Variants in SORBS2 observed in about 807,000 individuals in gnomAD.
SORBS2 encodes sorbin and SH3 domain-containing protein 2.
In SORBS2, 46 loss-of-function variants were observed where a neutral mutation model predicts 97.7. The ratio of observed to expected loss-of-function variants is 0.47; its 90% CI spans 0.37 to 0.60. The LOEUF is 0.60. SORBS2 is among the 20% of genes least tolerant of loss of function. SORBS2 has a pLI of 0.00. For missense variants in SORBS2, 1,316 were observed against 1,282.3 expected, an observed-to-expected ratio of 1.03 and a Z score of -0.40; for synonymous variants, 476 against 473.4, an observed-to-expected ratio of 1.01 and a Z score of -0.07.
intron 9 of SORBS2, among the ~76,000 whole-genome samples, chr4:185,616,629 C>T (rs1216975683): frequency 6.6e-6 from 1 of 152,152 alleles, no homozygotes. Context: ...GTATAGGTTG[C>T]ATTTAAAATT....
chr4:185,952,033 T>C (rs982773538), intron 1 of SORBS2, among the ~76,000 whole-genome samples: 8 of 85,784 alleles, frequency 9.3e-5, no homozygotes, highest in African/African-American at 2.7e-4. Flanking sequence ...AATAGCTTCT[T>C]TTTTTTTTTT....
chr4:185,854,785 A>AAGAGAGAGAGAGAG (rs10560938), intron 1 of SORBS2, among the ~76,000 whole-genome samples: 11 of 149,680 alleles, frequency 7.3e-5, no homozygotes, highest in South Asian at 6.4e-4. Context: ...AGAAATAGAG[A>AAGAGAGAGAGAGAG]AGAGAGAGAG....
intron 1 of SORBS2, among the ~76,000 whole-genome samples, chr4:185,953,542 A>G (rs2099278210): frequency 6.6e-6 from 1 of 152,214 alleles, no homozygotes; most frequent in African/African-American, 2.4e-5. Context: ...TTGCATTTGC[A>G]TAGGCTTCAG....
intron 1 of SORBS2, among the ~76,000 whole-genome samples, chr4:185,879,374 A>G (rs1213219578): frequency 1.3e-5 from 2 of 152,030 alleles, no homozygotes; most frequent in East Asian, 1.9e-4. Context: ...GCTGCATAGT[A>G]TTCCATGGTG....
At chr4:185,891,436 T>C (rs2099242454) in intron 1 of SORBS2, among the ~76,000 whole-genome samples, 1 of 152,200 alleles carries the variant, frequency 6.6e-6, no homozygotes, top group African/African-American at 2.4e-5. Flanking sequence ...TGAATTATGT[T>C]AAGGAACAGA....
chr4:185,662,814 G>A (rs968067599), intron 4 of SORBS2, among the ~76,000 whole-genome samples: 2 of 152,226 alleles, frequency 1.3e-5, no homozygotes, highest in African/African-American at 4.8e-5. Flanking sequence ...GGATCAGAGA[G>A]ACATGTTCAA....
chr4:185,940,035 G>A (rs553135956), intron 1 of SORBS2, among the ~76,000 whole-genome samples: 4 of 152,258 alleles, frequency 2.6e-5, no homozygotes, highest in South Asian at 4.2e-4. Flanking sequence ...CTTCTAAGAC[G>A]CCACACAGCC....
chr4:185,641,724 C>G (rs2097128813), intron 4 of SORBS2, among the ~76,000 whole-genome samples: 1 of 151,264 alleles, frequency 6.6e-6, no homozygotes, highest in South Asian at 2.1e-4. Context: ...ATCTTTCTAG[C>G]CTTGGTGTGA....
At chr4:185,852,157 G>T (rs78032174) in intron 1 of SORBS2, among the ~76,000 whole-genome samples, 2 of 152,094 alleles carry the variant, frequency 1.3e-5, no homozygotes, top group South Asian at 2.1e-4. Flanking sequence ...ACAGGCAGCC[G>T]ATCCCTGTAA....
chr4:185,790,153 A>G (rs2099073925), intron 1 of SORBS2, among the ~76,000 whole-genome samples: 2 of 151,690 alleles, frequency 1.3e-5, no homozygotes, highest in African/African-American at 4.8e-5. Context: ...TGTTGGATTT[A>G]TTCAGGATAT....
At chr4:185,695,390 C>T (rs779756594) in intron 2 of SORBS2, among the ~76,000 whole-genome samples, 2 of 152,064 alleles carry the variant, frequency 1.3e-5, no homozygotes, top group Non-Finnish European at 2.9e-5. Context: ...CACAGACGAA[C>T]CTTAAGCCAA....
chr4:185,593,923 C>T, exon 13 of SORBS2: 2 of 1,604,636 alleles, frequency 1.2e-6, no homozygotes, highest in Non-Finnish European at 1.7e-6. Flanking sequence ...TGAGTAAACA[C>T]AGGACGCTGT....
chr4:185,819,488 C>T (rs531246415), intron 1 of SORBS2, among the ~76,000 whole-genome samples: 1 of 152,216 alleles, frequency 6.6e-6, no homozygotes, highest in Non-Finnish European at 1.5e-5. Flanking sequence ...GTCTCAAAAA[C>T]GTGGTCTTTT....
intron 12 of SORBS2, among the ~76,000 whole-genome samples, chr4:185,608,930 C>T (rs2096485411): frequency 6.6e-6 from 1 of 152,054 alleles, no homozygotes; most frequent in Non-Finnish European, 1.5e-5. Context: ...GTGGGTGATG[C>T]ATTTCCTACT....
chr4:185,895,650 C>T (rs966527402), intron 1 of SORBS2, among the ~76,000 whole-genome samples: 22 of 152,252 alleles, frequency 1.4e-4, no homozygotes, highest in African/African-American at 5.1e-4. Flanking sequence ...ACAGTACTTT[C>T]TGCTGATTGG....
intron 1 of SORBS2, among the ~76,000 whole-genome samples, chr4:185,833,574 C>G (rs947565450): frequency 3.9e-5 from 6 of 152,070 alleles, no homozygotes; most frequent in Non-Finnish European, 8.8e-5. Flanking sequence ...TAATAGATTA[C>G]TACAATACAC....
chr4:185,895,638 A>T (rs1484366083), intron 1 of SORBS2, among the ~76,000 whole-genome samples: 1 of 152,222 alleles, frequency 6.6e-6, no homozygotes, highest in East Asian at 1.9e-4. Flanking sequence ...CTGTGGTCCT[A>T]GACAGTACTT....
rs772509349 is a variant in SORBS2, at chr4:185,649,450, G to T, written c.281+17C>A. On this transcript the variant is annotated intron_variant, in intron 3 of 14. Transcript: ENST00000418609. ...TCCTAAGCGAAACATAGGCCACCCT[G>T]GGGGGAAATGCCTTACTTTTCTGTT... 1 of 1,544,388 alleles carries T rather than the reference G, an allele frequency of 6.5e-7. No homozygotes were observed.
At chr4:185,830,804 C>T (rs1353649101) in intron 1 of SORBS2, among the ~76,000 whole-genome samples, 1 of 152,122 alleles carries the variant, frequency 6.6e-6, no homozygotes, top group Non-Finnish European at 1.5e-5. Flanking sequence ...CTCCTGAGGG[C>T]GGTTAGCCAT....
Sources: gnomAD v4.1 joint callset for allele counts (sites outside exome capture counted in the v4.1 genomes callset) on GRCh38, gnomAD v4.1.1 for gene constraint, MANE v1.5 for transcripts, NCBI Gene and HGNC (gene_info 2026-07-23, HGNC 2026-07-21) for gene names.